The following NAV1 variants were observed in gnomAD, a reference collection of about 807,000 sequenced individuals.
NAV1 encodes the protein pore membrane and/or filament interacting like protein 3.
A neutral mutation model predicts 175.2 loss-of-function variants in NAV1; 18 were observed. The ratio of observed to expected loss-of-function variants is 0.10; its 90% CI spans 0.07 to 0.15. The LOEUF (loss-of-function observed/expected upper bound fraction) is 0.15. Among genes scored for constraint, NAV1 ranks in the 10% least tolerant of loss-of-function variants. The pLI is 1.00. For synonymous variants in NAV1, 897 were observed against 978.7 expected (o/e 0.92, Z 1.56); for missense variants, 1,731 against 2,436.6 (o/e 0.71, Z 6.10).
intron 3 of NAV1, among the ~76,000 whole-genome samples, chr1:201,771,157 GT>G (rs1318770896): frequency 6.6e-6 from 1 of 150,750 alleles, no homozygotes; most frequent in Non-Finnish European, 1.5e-5. Flanking sequence ...AAAACATCTG[GT>G]GACCCGGGAG....
chr1:201,816,804 TAG>T (rs1325067225), intron 28 of NAV1: 1 of 337,050 alleles, frequency 3.0e-6, no homozygotes, highest in Non-Finnish European at 5.6e-6. Flanking sequence ...TAGGATTATA[TAG>T]GCACGCACCG....
rs532759851 is a variant in NAV1, at chr1:201,736,513, A to C, written c.1226+17758A>C. Among the ~76,000 whole-genome samples the C allele has an allele frequency of 7.9e-5, 12 of 152,190 alleles. No homozygotes were observed. In the South Asian group the frequency reaches 2.5e-3, roughly 32 times the overall value. On this transcript the variant is annotated intron_variant, in intron 3 of 29. Transcript: ENST00000367296. The stretch of plus-strand genomic sequence containing the variant: ...CTCTGTTGGAAATGAAACTTCAGCC[A>C]AAAGAACCTTGGGCCTCAGCCAAGG...
At chr1:201,769,440 T>C (rs1484478417) in intron 3 of NAV1, among the ~76,000 whole-genome samples, 1 of 152,242 alleles carries the variant, frequency 6.6e-6, no homozygotes, top group East Asian at 1.9e-4. Flanking sequence ...TTATTGATGC[T>C]CTTTTACCGC....
At chr1:201,706,854 T>TG (rs1424223615) in intron 1 of NAV1, among the ~76,000 whole-genome samples, 1 of 152,204 alleles carries the variant, frequency 6.6e-6, no homozygotes, top group Admixed American at 6.5e-5. Flanking sequence ...TTATAGAACT[T>TG]GGGGAAATTT....
chr1:201,605,775 T>G (rs1258637103), intron 2 of NAV1, among the ~76,000 whole-genome samples: 1 of 152,010 alleles, frequency 6.6e-6, no homozygotes, highest in Non-Finnish European at 1.5e-5. Flanking sequence ...CAGCTGCATC[T>G]AGGGGAGGGC....
At chr1:201,649,417 A>G (rs1205168015) in exon 1 of NAV1, 34 of 1,555,934 alleles carry the variant, frequency 2.2e-5, no homozygotes, top group Non-Finnish European at 3.0e-5. Flanking sequence ...CTCTTCAGCC[A>G]GATGCTGGGT....
rs1324805900 is a variant in NAV1 at position 201,782,770 on chromosome 1, T to C, written c.2258T>C (p.Ile753Thr). The C allele has an allele frequency of 1.9e-6, 3 of 1,613,520 alleles. No individual in the cohort carries two copies. The African/African-American group carries it at 4.0e-5, about 22-fold the overall frequency. ...GCAGTGGCCTTGGACTCAGACAACATCTCCTTGAAGAGTATTGGCTCCCCA... is the reference window on the plus strand; with the variant it reads ...GCAGTGGCCTTGGACTCAGACAACACCTCCTTGAAGAGTATTGGCTCCCCA... Residue 753 changes from isoleucine (I) to threonine (T), a missense_variant, in exon 6 of 30, where the codon ATC (isoleucine) becomes ACC (threonine). Ile to Thr is a moderately conservative substitution (Grantham distance 89, BLOSUM62 -1). Around this residue, in one of 13 missense-constraint regions of NAV1, gnomAD observed 634 missense variants for 766.8 expected, o/e 0.83. Coordinates refer to ENST00000367296, the Ensembl canonical transcript of NAV1. This position sits in a 1 kb window ranked among gnomAD's most constrained non-coding sequence, Gnocchi z 5.4.
chr1:201,559,340 C>T (rs886862343), intron 1 of NAV1, among the ~76,000 whole-genome samples: 1 of 152,084 alleles, frequency 6.6e-6, no homozygotes, highest in African/African-American at 2.4e-5. Context: ...TTGGAGAGAC[C>T]AGAAGCACAC....
At chr1:201,602,649 TGG>T (rs33915455) in intron 2 of NAV1, among the ~76,000 whole-genome samples, 19 of 140,892 alleles carry the variant, frequency 1.3e-4, no homozygotes, top group Middle Eastern at 3.8e-3. Flanking sequence ...TTTTTTTTTT[TGG>T]TTTTTTTTTT....
At chr1:201,598,844 A>C (rs938198996) in intron 2 of NAV1, among the ~76,000 whole-genome samples, 2 of 152,150 alleles carry the variant, frequency 1.3e-5, no homozygotes, top group South Asian at 2.1e-4. Context: ...TGGGGACAGA[A>C]GTAAGTGGGA....
chr1:201,813,895 A>C lies in NAV1; in HGVS notation c.5340+637A>C, dbSNP rs1263968971. 1.3e-5 allele frequency among the ~76,000 whole-genome samples: 2 copies of C among 152,106 alleles called. No individual in the cohort carries two copies. The highest frequency in any genetic ancestry group is 2.9e-5 in the Non-Finnish European group (2 of 68,016). Reference sequence around the variant, plus strand: ...ACATGGTGAAATCCCCTTTCTACTAAAAATACAAAAAATTAGCCAGACGTG... The same window carrying C: ...ACATGGTGAAATCCCCTTTCTACTACAAATACAAAAAATTAGCCAGACGTG... On this transcript the variant is annotated intron_variant, in intron 28 of 29. Transcript: ENST00000367296. This position sits in a 1 kb window ranked among gnomAD's most constrained non-coding sequence, Gnocchi z 4.2.
intron 3 of NAV1, among the ~76,000 whole-genome samples, chr1:201,760,035 T>G (rs1457911038): frequency 6.6e-6 from 1 of 152,242 alleles, no homozygotes; most frequent in Non-Finnish European, 1.5e-5. Context: ...TTGCTATTTT[T>G]AGTTTTGAAC....
intron 2 of NAV1, among the ~76,000 whole-genome samples, chr1:201,714,465 A>G (rs2102475333): frequency 6.6e-6 from 1 of 152,222 alleles, no homozygotes; most frequent in Non-Finnish European, 1.5e-5. Context: ...TCTGGGGATT[A>G]CCTCTGCTCA....
intron 1 of NAV1, among the ~76,000 whole-genome samples, chr1:201,670,094 T>C (rs1250622868): frequency 1.3e-5 from 2 of 151,974 alleles, no homozygotes; most frequent in African/African-American, 2.4e-5. Flanking sequence ...GATACCTTTT[T>C]AAAAAGGTAA....
intron 1 of NAV1, among the ~76,000 whole-genome samples, chr1:201,581,010 C>G (rs997580724): frequency 1.3e-5 from 2 of 152,174 alleles, no homozygotes; most frequent in Non-Finnish European, 1.5e-5. Flanking sequence ...GCAGAGTACT[C>G]ACTGCAGGTT....
At position 201,694,691 on chromosome 1, in the gene NAV1, CTG is replaced by C. The variant is rs1046349196; in HGVS notation, c.758-18122_758-18121del. ...GCCAGGAGCCTGTGTTCTCTGGGCT[CTG>C]TGTTCTGTCGGTTGCTTATTCATTG... is the stretch of plus-strand genomic sequence containing the variant. On this transcript the variant is annotated intron_variant, in intron 1 of 29. Coordinates refer to ENST00000367296, the Ensembl canonical transcript of NAV1. This position sits in a 1 kb window ranked among gnomAD's most constrained non-coding sequence, Gnocchi z 4.2. Among the ~76,000 whole-genome samples, 32 of 152,324 alleles carry C rather than the reference CTG, an allele frequency of 2.1e-4. No individual in the cohort carries two copies. The highest frequency in any genetic ancestry group is 7.5e-4 in the African/African-American group (31 of 41,570).
intron 1 of NAV1, among the ~76,000 whole-genome samples, chr1:201,552,387 G>T (rs1309833286): frequency 3.3e-5 from 5 of 152,150 alleles, no homozygotes; most frequent in African/African-American, 1.2e-4. Context: ...GCTGAGGTGG[G>T]TAAAGGGAAT....
intron 1 of NAV1, among the ~76,000 whole-genome samples, chr1:201,552,401 CT>C (rs1665881426): frequency 6.6e-6 from 1 of 152,122 alleles, no homozygotes; most frequent in African/African-American, 2.4e-5. Context: ...AGGGAATGTC[CT>C]TTCCCTTTCT....
At chr1:201,767,882 T>A (rs766300311) in intron 3 of NAV1, among the ~76,000 whole-genome samples, 1 of 152,238 alleles carries the variant, frequency 6.6e-6, no homozygotes, top group Admixed American at 6.5e-5. Flanking sequence ...TAAAAGACCA[T>A]TGAAGAATGG....
Sources: allele counts gnomAD v4.1 joint callset (sites outside exome capture counted in the v4.1 genomes callset), GRCh38; gene constraint gnomAD v4.1.1; regional missense constraint gnomAD v4.1.1; non-coding constraint Gnocchi (gnomAD v3.1); transcripts MANE v1.5; gene names NCBI Gene and HGNC (gene_info 2026-07-23, HGNC 2026-07-21).